Variants in KCNIP4 observed in about 807,000 individuals in gnomAD.
The protein encoded by KCNIP4 is potassium voltage-gated channel interacting protein 4.
In KCNIP4, 12 loss-of-function variants were observed where a neutral mutation model predicts 34.0. That is an observed-to-expected ratio of 0.35 (90% confidence interval 0.23 to 0.57). KCNIP4 has a LOEUF of 0.57. Ranked by LOEUF, KCNIP4 falls within the 20% of genes least tolerant of loss-of-function variation. The pLI is 0.83. For synonymous variants in KCNIP4, 124 were observed against 102.2 expected (o/e 1.21, Z -1.29); for missense variants, 238 against 311.7 (o/e 0.76, Z 1.78).
At chr4:20,730,832 T>A (rs1747939906) in intron 8 of KCNIP4, among the ~76,000 whole-genome samples, 1 of 152,146 alleles carries the variant, frequency 6.6e-6, no homozygotes, top group African/African-American at 2.4e-5. Flanking sequence ...GAATAGCACT[T>A]ACTGAGCTGT....
intron 1 of KCNIP4, among the ~76,000 whole-genome samples, chr4:21,097,716 C>T (rs1577684868): frequency 1.3e-5 from 2 of 152,056 alleles, no homozygotes; most frequent in African/African-American, 4.8e-5. Flanking sequence ...CCATCTCTCT[C>T]CCTCTCCCCC....
rs944963413 is a variant in KCNIP4, at chr4:21,483,698, G to A, written c.61+464873C>T. ...CCAGCTACTTGGGAGGCTGAGGCAG[G>A]AGAATCCCTTGAACCTGGGAGGTGG... On this transcript the variant is annotated intron_variant, in intron 1 of 8. Coordinates refer to ENST00000382152, the MANE Select transcript of KCNIP4 (RefSeq NM_025221.6). 2.6e-5 allele frequency among the ~76,000 whole-genome samples: 4 copies of A among 152,042 alleles called. No individual in the cohort carries two copies. In the South Asian group the frequency reaches 8.3e-4, roughly 32 times the overall value.
chr4:21,799,874 C>G (rs1054958126), intron 1 of KCNIP4, among the ~76,000 whole-genome samples: 1 of 152,202 alleles, frequency 6.6e-6, no homozygotes, highest in African/African-American at 2.4e-5. Context: ...CAAACCACAT[C>G]CACTCATTTC....
intron 1 of KCNIP4, among the ~76,000 whole-genome samples, chr4:21,190,379 A>G (rs923804918): frequency 1.3e-5 from 2 of 151,636 alleles, no homozygotes; most frequent in Non-Finnish European, 2.9e-5. Flanking sequence ...TATTTGGTTC[A>G]GCAGTATTGG....
At chr4:21,553,949 A>G (rs1738783144) in intron 1 of KCNIP4, among the ~76,000 whole-genome samples, 1 of 152,116 alleles carries the variant, frequency 6.6e-6, no homozygotes, top group Admixed American at 6.6e-5. Context: ...GGCTTAAGAG[A>G]GTGACATATC....
intron 1 of KCNIP4, among the ~76,000 whole-genome samples, chr4:21,536,601 A>G (rs1462267368): frequency 1.3e-5 from 2 of 152,090 alleles, no homozygotes; most frequent in Non-Finnish European, 2.9e-5. Context: ...CAACATTGCA[A>G]AACCCTGTCT....
intron 1 of KCNIP4, among the ~76,000 whole-genome samples, chr4:21,904,577 C>G (rs548744452): frequency 6.6e-6 from 1 of 152,240 alleles, no homozygotes; most frequent in East Asian, 1.9e-4. Context: ...AGTTTAGGGT[C>G]AAAACAGTGG....
chr4:20,784,704 G>C (rs1034080486), intron 3 of KCNIP4, among the ~76,000 whole-genome samples: 6 of 151,996 alleles, frequency 3.9e-5, no homozygotes, highest in African/African-American at 1.2e-4. Flanking sequence ...TGGGTATGCT[G>C]GATGCAAGGG....
At chr4:21,778,412 A>C (rs1719340826) in intron 1 of KCNIP4, among the ~76,000 whole-genome samples, 1 of 150,608 alleles carries the variant, frequency 6.6e-6, no homozygotes, top group African/African-American at 2.4e-5. Context: ...GAAAAAAAAA[A>C]CTGGTAGAAA....
At chr4:20,975,233 T>G (rs1038971785) in intron 1 of KCNIP4, among the ~76,000 whole-genome samples, 5 of 152,116 alleles carry the variant, frequency 3.3e-5, no homozygotes, top group African/African-American at 1.2e-4. Context: ...TTTATTTTAT[T>G]TTTTAACATT....
At chr4:21,194,463 A>G (rs903093825) in intron 1 of KCNIP4, among the ~76,000 whole-genome samples, 2 of 152,218 alleles carry the variant, frequency 1.3e-5, no homozygotes, top group African/African-American at 4.8e-5. Context: ...CCTCTATCTT[A>G]ACTCAGCCAC....
At chr4:21,206,805 A>G (rs1158932328) in intron 1 of KCNIP4, among the ~76,000 whole-genome samples, 1 of 152,218 alleles carries the variant, frequency 6.6e-6, no homozygotes, top group Non-Finnish European at 1.5e-5. Context: ...AAGTTAAGCA[A>G]TATTCCCAAG....
chr4:21,333,388 A>G (rs549283141), intron 1 of KCNIP4, among the ~76,000 whole-genome samples: 4 of 151,924 alleles, frequency 2.6e-5, no homozygotes, highest in African/African-American at 9.6e-5. Flanking sequence ...AAATTAAAAA[A>G]AAATCAGTAA....
intron 1 of KCNIP4, among the ~76,000 whole-genome samples, chr4:21,266,837 G>A (rs1156705394): frequency 6.6e-6 from 1 of 152,158 alleles, no homozygotes; most frequent in African/African-American, 2.4e-5. Context: ...GGAGAGTGAT[G>A]CAATCATAAT....
At position 20,875,034 on chromosome 4, in the gene KCNIP4, A is replaced by G. The variant is rs1026006754; in HGVS notation, c.163+7574T>C. Among the ~76,000 whole-genome samples the G allele has an allele frequency of 9.2e-5, 14 of 152,056 alleles. No individual in the cohort carries two copies. In the East Asian group the frequency reaches 2.7e-3, roughly 29 times the overall value. On this transcript the variant is annotated intron_variant, in intron 2 of 8. Coordinates refer to ENST00000382152, the MANE Select transcript of KCNIP4 (RefSeq NM_025221.6). Reference sequence around the variant, plus strand: ...GTCTCAATGGCTGCTGCAATGCTAGATCTGGAAAGAGACTTGGGCACAGTC... The same window carrying G: ...GTCTCAATGGCTGCTGCAATGCTAGGTCTGGAAAGAGACTTGGGCACAGTC...
chr4:21,021,869 A>C (rs1047302093), intron 1 of KCNIP4, among the ~76,000 whole-genome samples: 47 of 132,660 alleles, frequency 3.5e-4, no homozygotes, highest in African/African-American at 5.1e-4. Flanking sequence ...CGTATAGTAT[A>C]GTATAGTATA....
intron 1 of KCNIP4, among the ~76,000 whole-genome samples, chr4:21,431,862 A>G (rs1419065092): frequency 6.6e-6 from 1 of 151,194 alleles, no homozygotes; most frequent in Non-Finnish European, 1.5e-5. Context: ...GAAAAAAAAA[A>G]GTGACTAATG....
chr4:21,760,387 C>T (rs938988509), intron 1 of KCNIP4, among the ~76,000 whole-genome samples: 4 of 152,098 alleles, frequency 2.6e-5, no homozygotes, highest in Non-Finnish European at 1.5e-5. Flanking sequence ...CAAATTCATG[C>T]TGCTAATTAT....
intron 1 of KCNIP4, among the ~76,000 whole-genome samples, chr4:21,055,699 A>C (rs1488725011): frequency 1.3e-5 from 2 of 152,222 alleles, no homozygotes; most frequent in African/African-American, 4.8e-5. Flanking sequence ...AAAGGGTTGC[A>C]TACTGTGTGC....
Sources: gnomAD v4.1 joint callset for allele counts (sites outside exome capture counted in the v4.1 genomes callset) on GRCh38, gnomAD v4.1.1 for gene constraint, MANE v1.5 for transcripts, NCBI Gene and HGNC (gene_info 2026-07-23, HGNC 2026-07-21) for gene names.